NTM: variants seen among roughly 807,000 people sequenced by gnomAD.
NTM encodes the protein IgLON family member 2.
A neutral mutation model predicts 42.1 loss-of-function variants in NTM; 13 were observed. The ratio of observed to expected loss-of-function variants is 0.31; its 90% confidence interval spans 0.20 to 0.49. The LOEUF (loss-of-function observed/expected upper bound fraction) is 0.49. NTM is among the 20% of genes least tolerant of loss of function. NTM has a pLI of 0.99. For missense variants in NTM, 373 were observed against 452.8 expected (o/e 0.82, Z 1.60); for synonymous variants, 187 against 179.2 (o/e 1.04, Z -0.35).
intron 4 of NTM, among the ~76,000 whole-genome samples, chr11:132,298,246 C>T (rs760342442): frequency 7.9e-5 from 12 of 152,192 alleles, no homozygotes; most frequent in Admixed American, 4.6e-4. Flanking sequence ...TATGACATTG[C>T]GGAGTGCTAT....
At chr11:131,878,950 A>G (rs1264394544) in intron 1 of NTM, among the ~76,000 whole-genome samples, 1 of 151,918 alleles carries the variant, frequency 6.6e-6, no homozygotes, top group Non-Finnish European at 1.5e-5. Context: ...CCTTGCCACT[A>G]TGTACGCTGC....
intron 2 of NTM, among the ~76,000 whole-genome samples, chr11:132,049,205 A>G (rs1473925398): frequency 1.3e-5 from 2 of 152,166 alleles, no homozygotes. Flanking sequence ...CGGATAGAGC[A>G]TAAAGTATGT....
chr11:131,730,899 G>A (rs76640248), intron 1 of NTM, among the ~76,000 whole-genome samples: 226 of 152,192 alleles, frequency 1.5e-3, no homozygotes, highest in African/African-American at 5.2e-3. Flanking sequence ...AAAGGTCATT[G>A]CCAGCTCCAG....
intron 1 of NTM, among the ~76,000 whole-genome samples, chr11:131,545,368 T>A (rs60694800): frequency 0.1 from 15,164 of 152,142 alleles, 1,161 homozygotes; most frequent in African/African-American, 0.21. Flanking sequence ...CCTTGATGAC[T>A]TTTTTTCTCT....
chr11:132,281,018 T>A (rs2093954812), intron 4 of NTM, among the ~76,000 whole-genome samples: 1 of 152,242 alleles, frequency 6.6e-6, no homozygotes, highest in South Asian at 2.1e-4. Flanking sequence ...CATTTTCTTT[T>A]TCCAGCCCCC....
At chr11:131,402,462 A>C (rs762352151) in intron 1 of NTM, among the ~76,000 whole-genome samples, 3 of 152,110 alleles carry the variant, frequency 2.0e-5, no homozygotes, top group Non-Finnish European at 4.4e-5. Flanking sequence ...TTAGCAGATT[A>C]GTTTCCATGG....
intron 4 of NTM, among the ~76,000 whole-genome samples, chr11:132,293,063 T>G (rs1223846200): frequency 1.3e-5 from 2 of 152,038 alleles, no homozygotes; most frequent in African/African-American, 4.8e-5. Context: ...TTTGACGGAT[T>G]GTACTTCTGG....
chr11:131,841,071 G>A (rs1044250982), intron 1 of NTM, among the ~76,000 whole-genome samples: 3 of 152,286 alleles, frequency 2.0e-5, no homozygotes, highest in South Asian at 2.1e-4. Flanking sequence ...AATAGATTTA[G>A]TACACATTTT....
At chr11:132,142,038 C>A (rs891397543) in intron 2 of NTM, among the ~76,000 whole-genome samples, 1 of 152,184 alleles carries the variant, frequency 6.6e-6, no homozygotes, top group East Asian at 1.9e-4. Flanking sequence ...CTCAAGGGAA[C>A]CTCTGTCCCT....
intron 1 of NTM, among the ~76,000 whole-genome samples, chr11:131,571,318 C>T (rs2057416627): frequency 6.6e-6 from 1 of 152,158 alleles, no homozygotes; most frequent in African/African-American, 2.4e-5. Context: ...TGCAGTGGCT[C>T]CAAGCGCCGT....
chr11:131,885,753 T>C (rs934868275), intron 1 of NTM, among the ~76,000 whole-genome samples: 1 of 152,214 alleles, frequency 6.6e-6, no homozygotes, highest in Admixed American at 6.5e-5. Flanking sequence ...ATACATTTGA[T>C]ACAAGAGGCT....
chr11:131,689,289 G>C (rs2074353794), intron 1 of NTM, among the ~76,000 whole-genome samples: 1 of 152,204 alleles, frequency 6.6e-6, no homozygotes, highest in Non-Finnish European at 1.5e-5. Context: ...CTCTGGCCCT[G>C]CCTTGCCTCC....
At chr11:132,064,008 A>G (rs1361797052) in intron 2 of NTM, among the ~76,000 whole-genome samples, 1 of 152,166 alleles carries the variant, frequency 6.6e-6, no homozygotes, top group Non-Finnish European at 1.5e-5. Flanking sequence ...GCACCACACC[A>G]TTCCCTCTAA....
At chr11:131,787,295 C>T (rs1388227083) in intron 1 of NTM, among the ~76,000 whole-genome samples, 4 of 150,016 alleles carry the variant, frequency 2.7e-5, no homozygotes, top group Admixed American at 2.0e-4. Context: ...TGTGCCTATA[C>T]ACAAAAATGA....
intron 4 of NTM, among the ~76,000 whole-genome samples, chr11:132,272,626 T>G (rs1188758971): frequency 6.6e-6 from 1 of 152,162 alleles, no homozygotes; most frequent in Non-Finnish European, 1.5e-5. Context: ...TTTATTCTTT[T>G]TGATACTACG....
intron 1 of NTM, among the ~76,000 whole-genome samples, chr11:131,858,846 C>T (rs907437009): frequency 6.6e-6 from 1 of 152,194 alleles, no homozygotes; most frequent in African/African-American, 2.4e-5. Flanking sequence ...ATCCAGGCAA[C>T]TCCAAACTTC....
intron 1 of NTM, among the ~76,000 whole-genome samples, chr11:131,416,936 T>C (rs1947022096): frequency 1.3e-5 from 2 of 152,220 alleles, no homozygotes; most frequent in South Asian, 2.1e-4. Context: ...TAGACTTGTT[T>C]TCCAGTCTCA....
intron 4 of NTM, among the ~76,000 whole-genome samples, chr11:132,270,427 C>A (rs1179982859): frequency 6.6e-6 from 1 of 151,928 alleles, no homozygotes; most frequent in Non-Finnish European, 1.5e-5. Context: ...CGGGGTTTCA[C>A]CATGTTAGCC....
intron 2 of NTM, among the ~76,000 whole-genome samples, chr11:131,979,362 G>A (rs1424568025): frequency 6.8e-6 from 1 of 146,792 alleles, no homozygotes; most frequent in Admixed American, 6.7e-5. Context: ...AGAAGTGTGT[G>A]ATAGCATTAT....
Sources: allele counts gnomAD v4.1 joint callset (sites outside exome capture counted in the v4.1 genomes callset), GRCh38; gene constraint gnomAD v4.1.1; transcripts MANE v1.5; gene names NCBI Gene and HGNC (gene_info 2026-07-23, HGNC 2026-07-21).